The following PRKCH variants were observed in gnomAD, a reference collection of about 807,000 sequenced individuals.
The protein encoded by PRKCH is protein kinase C eta type.
Under a neutral mutation model 82.5 loss-of-function variants are expected in PRKCH, and 28 were observed. That is an observed-to-expected ratio of 0.34 (90% CI 0.25 to 0.47). The LOEUF (loss-of-function observed/expected upper bound fraction) is 0.47. Ranked by LOEUF, PRKCH falls within the 20% of genes least tolerant of loss-of-function variation. PRKCH has a pLI of 1.00. For missense variants in PRKCH, 705 were observed against 881.8 expected (o/e 0.80, Z 2.54); for synonymous variants, 322 against 327.4 (o/e 0.98, Z 0.18).
At chr14:61,218,485 A>G (rs2044631057) in intron 1 of PRKCH, among the ~76,000 whole-genome samples, 1 of 152,214 alleles carries the variant, frequency 6.6e-6, no homozygotes, top group South Asian at 2.1e-4. Context: ...TAAATGAACC[A>G]GATTTATGGG....
At chr14:61,308,791 G>A (rs1356245985) in intron 1 of PRKCH, among the ~76,000 whole-genome samples, 1 of 149,592 alleles carries the variant, frequency 6.7e-6, no homozygotes, top group Non-Finnish European at 1.5e-5. Flanking sequence ...ACCACACTGG[G>A]CCTAGTTTTA....
intron 7 of PRKCH, 139 bp downstream of exon 7, chr14:61,453,492 C>A: frequency 3.8e-6 from 3 of 796,404 alleles, no homozygotes; most frequent in Non-Finnish European, 5.4e-6. Flanking sequence ...TTCTTTCTTT[C>A]TTTCTCTTTC....
intron 1 of PRKCH, among the ~76,000 whole-genome samples, chr14:61,201,291 A>AT (rs902868955): frequency 5.3e-5 from 8 of 152,050 alleles, no homozygotes; most frequent in African/African-American, 9.7e-5. Flanking sequence ...TTATTATCTC[A>AT]TTTTTTTCAG....
chr14:61,311,253 G>A (rs986415870), intron 1 of PRKCH, among the ~76,000 whole-genome samples: 1 of 152,150 alleles, frequency 6.6e-6, no homozygotes, highest in Non-Finnish European at 1.5e-5. Flanking sequence ...CTTTTCTATT[G>A]CATCATCAGG....
At chr14:61,239,082 G>A (rs1274870139) in intron 1 of PRKCH, among the ~76,000 whole-genome samples, 1 of 152,122 alleles carries the variant, frequency 6.6e-6, no homozygotes, top group Non-Finnish European at 1.5e-5. Context: ...CCTTAAAATG[G>A]CTTTTATCAA....
intron 12 of PRKCH, among the ~76,000 whole-genome samples, chr14:61,534,526 T>C (rs1004307281): frequency 6.6e-6 from 1 of 152,204 alleles, no homozygotes; most frequent in African/African-American, 2.4e-5. Context: ...TTGAATCCAT[T>C]GGATGGTGTT....
At chr14:61,222,058 C>T (rs2044660347) in intron 1 of PRKCH, among the ~76,000 whole-genome samples, 1 of 152,148 alleles carries the variant, frequency 6.6e-6, no homozygotes, top group South Asian at 2.1e-4. Context: ...CCTGCTCTTG[C>T]CTGGTCTCCA....
At chr14:61,543,145 C>A (rs1037926832) in intron 12 of PRKCH, among the ~76,000 whole-genome samples, 22 of 152,228 alleles carry the variant, frequency 1.4e-4, no homozygotes, top group African/African-American at 5.1e-4. Flanking sequence ...TTTCAGCCTT[C>A]CCTGGCTTGC....
intron 1 of PRKCH, among the ~76,000 whole-genome samples, chr14:61,347,044 G>A (rs1218059594): frequency 2.6e-5 from 4 of 152,092 alleles, no homozygotes; most frequent in Non-Finnish European, 5.9e-5. Context: ...TCTGTTCACC[G>A]GTGATTCAGT....
At chr14:61,199,716 G>A (rs538736774) in intron 1 of PRKCH, among the ~76,000 whole-genome samples, 61 of 152,264 alleles carry the variant, frequency 4.0e-4, no homozygotes, top group Admixed American at 1.2e-3. Context: ...GTTGGAAAGC[G>A]TCATGAAACA....
chr14:61,316,731 C>T (rs1412350557), upstream of PRKCH, among the ~76,000 whole-genome samples: 1 of 152,172 alleles, frequency 6.6e-6, no homozygotes, highest in East Asian at 1.9e-4. Context: ...CCTTATGTCA[C>T]ATAACATAGG....
chr14:61,390,352 A>C lies in PRKCH; in HGVS notation c.364-873A>C, dbSNP rs114435472. Among the ~76,000 whole-genome samples, 733 of 152,322 alleles carry C rather than the reference A, an allele frequency of 4.8e-3. 3 individuals are homozygous for C. The highest frequency in any genetic ancestry group is 0.016 in the African/African-American group (666 of 41,572). Reference sequence around the variant, plus strand: ...ATATTTCAGCTGATAGGTAACTTCAAGGTATGTTGATACTCCCGTGACTAA... The same window carrying C: ...ATATTTCAGCTGATAGGTAACTTCACGGTATGTTGATACTCCCGTGACTAA... On this transcript the variant is annotated intron_variant, in intron 1 of 13. Coordinates refer to ENST00000332981, the MANE Select transcript of PRKCH (RefSeq NM_006255.5).
intron 10 of PRKCH, among the ~76,000 whole-genome samples, chr14:61,494,489 G>C (rs929217649): frequency 6.6e-6 from 1 of 152,250 alleles, no homozygotes; most frequent in African/African-American, 2.4e-5. Flanking sequence ...CTGCATGCTA[G>C]ACCCAGCCCT....
At position 61,445,723 on chromosome 14, in the gene PRKCH, C is replaced by G; in HGVS notation, c.610C>G (p.Gln204Glu). 1 of 1,607,812 alleles carries G rather than the reference C, an allele frequency of 6.2e-7. No individual in the cohort carries two copies. Among genetic ancestry groups the G allele is most frequent in the Non-Finnish European group, 8.5e-7 (1 of 1,174,336 alleles). Residue 204 changes from glutamine to glutamate, a missense_variant, in exon 4 of 14, where the codon CAA becomes GAA. Physicochemically the swap from Gln to Glu is conservative, Grantham distance 29. Coordinates refer to ENST00000332981, the MANE Select transcript of PRKCH (RefSeq NM_006255.5). ...GTTTGGGAAACAGGGTTATCAGTGC[C>G]AAGGTAAGGAAACATTTTTAAAACC... ...GVFGKQGYQC[Q>E]VCTCVVHKRC...
chr14:61,295,465 A>G (rs1027622983), intron 1 of PRKCH, among the ~76,000 whole-genome samples: 4 of 152,188 alleles, frequency 2.6e-5, no homozygotes, highest in African/African-American at 9.7e-5. Context: ...GACACATCTA[A>G]CTCCTCTGCC....
chr14:61,256,460 T>G (rs1365166677), intron 1 of PRKCH, among the ~76,000 whole-genome samples: 6 of 152,218 alleles, frequency 3.9e-5, no homozygotes, highest in Non-Finnish European at 1.5e-5. Flanking sequence ...CATCTGTGCT[T>G]ATTTTTCCTG....
intron 2 of PRKCH, among the ~76,000 whole-genome samples, chr14:61,403,260 G>A (rs1832269905): frequency 6.6e-6 from 1 of 151,978 alleles, no homozygotes; most frequent in African/African-American, 2.4e-5. Flanking sequence ...ATTCAAAGGG[G>A]TACTTGGACC....
intron 1 of PRKCH, among the ~76,000 whole-genome samples, chr14:61,200,263 C>T (rs1422400328): frequency 6.6e-6 from 1 of 151,938 alleles, no homozygotes; most frequent in Non-Finnish European, 1.5e-5. Flanking sequence ...AGCTTAAAAC[C>T]ATAGAAAAAA....
chr14:61,450,262 G>A (rs1389560082), intron 5 of PRKCH, among the ~76,000 whole-genome samples: 1 of 152,230 alleles, frequency 6.6e-6, no homozygotes, highest in East Asian at 1.9e-4. Flanking sequence ...ATGCCTAGTG[G>A]AATTATTTGC....
Sources: gnomAD v4.1 joint callset for allele counts (sites outside exome capture counted in the v4.1 genomes callset) on GRCh38, gnomAD v4.1.1 for gene constraint, MANE v1.5 for transcripts, NCBI Gene and HGNC (gene_info 2026-07-23, HGNC 2026-07-21) for gene names.